CCSER1: variants seen among roughly 807,000 people sequenced by gnomAD.
CCSER1 encodes serine-rich coiled-coil domain-containing protein 1.
In CCSER1, 41 loss-of-function variants were observed where a neutral mutation model predicts 82.0. The observed-to-expected ratio is 0.50, with a 90% CI of 0.39 to 0.65. The LOEUF (loss-of-function observed/expected upper bound fraction) is 0.65, where lower values mean the gene tolerates loss of function less well. Ranked by LOEUF, CCSER1 falls within the 30% of genes least tolerant of loss-of-function variation. The pLI is 0.00. For missense variants in CCSER1, 1,119 were observed against 1,064.2 expected (o/e 1.05, Z -0.72); for synonymous variants, 414 against 383.9 (o/e 1.08, Z -0.92).
chr4:91,034,540 T>C (rs62310986), intron 9 of CCSER1, among the ~76,000 whole-genome samples: 1 of 145,866 alleles, frequency 6.9e-6, no homozygotes, highest in African/African-American at 2.5e-5. Context: ...AAAAATTTCA[T>C]ACACCCCCCC....
chr4:90,562,057 G>T (rs2153648022), intron 5 of CCSER1, among the ~76,000 whole-genome samples: 1 of 152,048 alleles, frequency 6.6e-6, no homozygotes, highest in Non-Finnish European at 1.5e-5. Context: ...GGGCATAGTG[G>T]CGAGTGCCTG....
chr4:90,863,934 A>G (rs1260209076), intron 8 of CCSER1, among the ~76,000 whole-genome samples: 1 of 149,256 alleles, frequency 6.7e-6, no homozygotes, highest in Non-Finnish European at 1.5e-5. Flanking sequence ...ACTTTATTCA[A>G]TTCTACCTAT....
chr4:90,854,988 A>AGTGTGT (rs137938428), intron 8 of CCSER1, among the ~76,000 whole-genome samples: 12 of 151,184 alleles, frequency 7.9e-5, no homozygotes, highest in East Asian at 7.8e-4. Context: ...GGCACGAGAG[A>AGTGTGT]GTGTGTGTGT....
intron 1 of CCSER1, among the ~76,000 whole-genome samples, chr4:90,300,035 T>G (rs1732796236): frequency 6.6e-6 from 1 of 152,120 alleles, no homozygotes; most frequent in Non-Finnish European, 1.5e-5. Context: ...TTTAGTGTGG[T>G]CATTAAGGCT....
At chr4:90,690,172 G>A (rs1735567218) in intron 6 of CCSER1, among the ~76,000 whole-genome samples, 1 of 151,968 alleles carries the variant, frequency 6.6e-6, no homozygotes, top group Non-Finnish European at 1.5e-5. Flanking sequence ...GGGGTGCTAA[G>A]CCTTAAAAAT....
At chr4:91,508,162 G>GTTTTTTTTT (rs139066436) in intron 10 of CCSER1, among the ~76,000 whole-genome samples, 3 of 97,652 alleles carry the variant, frequency 3.1e-5, no homozygotes, top group Non-Finnish European at 5.7e-5. Flanking sequence ...TTTTTTCTGG[G>GTTTTTTTTT]TTTTTTTTTT....
chr4:91,569,134 C>G (rs1474316494), intron 10 of CCSER1, among the ~76,000 whole-genome samples: 1 of 152,150 alleles, frequency 6.6e-6, no homozygotes, highest in African/African-American at 2.4e-5. Context: ...GGTGTTGGAT[C>G]TTTGGAGCAT....
rs541342461 is a variant in CCSER1, at chr4:91,160,033, G to T, written c.2217+74039G>T. ...ATTTACATTACGTATTTCTCCTAAT[G>T]CTATCCCTCCCCCTGCCCCCACCCC... On this transcript the variant is annotated intron_variant, in intron 10 of 10. Transcript: ENST00000509176. 5.3e-4 allele frequency among the ~76,000 whole-genome samples: 80 copies of T among 150,172 alleles called. 4 individuals are homozygous for T. In the East Asian group the frequency reaches 7.6e-3, roughly 14 times the overall value.
At chr4:91,509,732 CATA>C (rs747455798) in intron 10 of CCSER1, among the ~76,000 whole-genome samples, 11 of 152,034 alleles carry the variant, frequency 7.2e-5, no homozygotes, top group Non-Finnish European at 1.2e-4. Context: ...CTAATATTAA[CATA>C]ATCATTCCAG....
At chr4:91,270,264 T>C (rs953181807) in intron 10 of CCSER1, among the ~76,000 whole-genome samples, 5 of 152,190 alleles carry the variant, frequency 3.3e-5, no homozygotes, top group African/African-American at 1.2e-4. Context: ...TGAATTCTTA[T>C]TCAATTATAG....
intron 5 of CCSER1, among the ~76,000 whole-genome samples, chr4:90,584,636 A>G (rs1005321404): frequency 2.6e-5 from 4 of 152,168 alleles, no homozygotes; most frequent in Non-Finnish European, 5.9e-5. Flanking sequence ...GTGATAGAAG[A>G]CTAATACGCT....
intron 10 of CCSER1, among the ~76,000 whole-genome samples, chr4:91,134,897 T>C (rs1277490398): frequency 6.6e-6 from 1 of 151,870 alleles, no homozygotes. Context: ...CCATCTCTAC[T>C]AAAAATACAA....
At chr4:91,140,989 G>A (rs950547962) in intron 10 of CCSER1, among the ~76,000 whole-genome samples, 3 of 151,956 alleles carry the variant, frequency 2.0e-5, no homozygotes, top group African/African-American at 7.3e-5. Flanking sequence ...ATAGTACCCA[G>A]TGTCTACTGT....
chr4:90,881,286 A>AT (rs915966912), intron 8 of CCSER1, among the ~76,000 whole-genome samples: 1 of 152,088 alleles, frequency 6.6e-6, no homozygotes, highest in Admixed American at 6.6e-5. Flanking sequence ...GCAGGAGAGG[A>AT]GAGAGGCAGA....
intron 10 of CCSER1, among the ~76,000 whole-genome samples, chr4:91,441,737 A>T (rs1755170337): frequency 6.6e-6 from 1 of 152,186 alleles, no homozygotes; most frequent in African/African-American, 2.4e-5. Flanking sequence ...GTCTCAGCCC[A>T]AAATCTCCTT....
At chr4:91,572,471 TCAAACA>T (rs1161271971) in intron 10 of CCSER1, among the ~76,000 whole-genome samples, 1 of 152,058 alleles carries the variant, frequency 6.6e-6, no homozygotes, top group East Asian at 1.9e-4. Context: ...CCTGGTTGCC[TCAAACA>T]CTTCGATGAC....
chr4:91,407,408 A>T (rs1752766006), intron 10 of CCSER1, among the ~76,000 whole-genome samples: 1 of 152,192 alleles, frequency 6.6e-6, no homozygotes, highest in South Asian at 2.1e-4. Context: ...ACTCTTTACA[A>T]ATAAGTTCCT....
At chr4:91,295,247 A>G (rs1404008476) in intron 10 of CCSER1, among the ~76,000 whole-genome samples, 3 of 152,016 alleles carry the variant, frequency 2.0e-5, no homozygotes, top group Non-Finnish European at 2.9e-5. Context: ...AAAATGGCAA[A>G]ATGAAATAAT....
In CCSER1 at chr4:90,787,793, C is replaced by A. The variant is rs185608363; in HGVS notation, c.2011-27969C>A. 3.4e-3 allele frequency among the ~76,000 whole-genome samples: 523 copies of A among 152,164 alleles called. 2 individuals are homozygous for A. Among genetic ancestry groups the A allele is most frequent in the African/African-American group, 0.012 (504 of 41,516 alleles). ...GATGAGATTGTCTAGACATTTTGAC[C>A]GGCATTTTGACTGGCATTGTCTAGA... On this transcript the variant is annotated intron_variant, in intron 7 of 10. Transcript: ENST00000509176.
Sources: allele counts gnomAD v4.1 joint callset (sites outside exome capture counted in the v4.1 genomes callset), GRCh38; gene constraint gnomAD v4.1.1; transcripts MANE v1.5; gene names NCBI Gene and HGNC (gene_info 2026-07-23, HGNC 2026-07-21).